TBXAS1: variants seen among roughly 807,000 people sequenced by gnomAD.
TBXAS1 encodes thromboxane-A synthase.
TBXAS1 carries 48 observed loss-of-function variants against 60.7 expected under a neutral mutation model. That is an observed-to-expected ratio of 0.79 (90% CI 0.63 to 1.01). The LOEUF (loss-of-function observed/expected upper bound fraction) is 1.01. TBXAS1 is among the 50% of genes least tolerant of loss of function. The pLI is 0.00. For missense variants in TBXAS1, 685 were observed against 686.3 expected (o/e 1.00, Z 0.02); for synonymous variants, 287 against 269.7 (o/e 1.06, Z -0.63).
chr7:139,945,672 T>C (rs1808645250), intron 5 of TBXAS1, among the ~76,000 whole-genome samples: 1 of 152,252 alleles, frequency 6.6e-6, no homozygotes, highest in Non-Finnish European at 1.5e-5. Flanking sequence ...GTATTAGTTA[T>C]CTATTGCTGT....
chr7:139,965,908 A>G (rs1171124030), intron 9 of TBXAS1, among the ~76,000 whole-genome samples: 4 of 144,418 alleles, frequency 2.8e-5, no homozygotes, highest in Non-Finnish European at 6.0e-5. Context: ...TTTTTACTAT[A>G]ATCAGAGCTC....
intron 4 of TBXAS1, 116 bp from the exon 5 acceptor site, chr7:139,936,075 C>T (rs2117194201): frequency 1.1e-6 from 1 of 908,610 alleles, no homozygotes; most frequent in Non-Finnish European, 1.8e-6. Flanking sequence ...AGAGAAACCT[C>T]CTAACTTGTT....
At chr7:139,894,729 G>A (rs1803945681) in intron 3 of TBXAS1, among the ~76,000 whole-genome samples, 1 of 152,116 alleles carries the variant, frequency 6.6e-6, no homozygotes. Context: ...CTATGTCCAT[G>A]TCTTCCAATG....
At chr7:139,839,676 CAAAAAAA>C (rs1297739214) in intron 1 of TBXAS1, among the ~76,000 whole-genome samples, 1 of 89,312 alleles carries the variant, frequency 1.1e-5, no homozygotes, top group Non-Finnish European at 2.4e-5. Context: ...CTGCTTCTAC[CAAAAAAA>C]AAAAAAAAAA....
intron 1 of TBXAS1, among the ~76,000 whole-genome samples, chr7:139,834,670 C>A (rs1400709547): frequency 6.6e-6 from 1 of 152,120 alleles, no homozygotes; most frequent in Non-Finnish European, 1.5e-5. Flanking sequence ...TACAAAAGAT[C>A]ATTCAAGGCT....
intron 8 of TBXAS1, among the ~76,000 whole-genome samples, chr7:139,960,321 C>T (rs1041489597): frequency 5.9e-5 from 9 of 152,306 alleles, no homozygotes; most frequent in East Asian, 1.9e-4. Flanking sequence ...TCCAAATGCA[C>T]GCACTGCATT....
intron 4 of TBXAS1, among the ~76,000 whole-genome samples, chr7:139,798,268 C>T (rs921796024): frequency 6.6e-6 from 1 of 151,780 alleles, no homozygotes; most frequent in Non-Finnish European, 1.5e-5. Flanking sequence ...GAAGAAAACA[C>T]GAAAGGGTAG....
At chr7:139,873,725 T>C (rs539720287) in intron 2 of TBXAS1, among the ~76,000 whole-genome samples, 1 of 152,254 alleles carries the variant, frequency 6.6e-6, no homozygotes, top group South Asian at 2.1e-4. Flanking sequence ...TTTGTAGATA[T>C]AGGTCAGGAC....
chr7:139,914,354 A>G (rs953108186), intron 4 of TBXAS1, among the ~76,000 whole-genome samples: 2 of 152,058 alleles, frequency 1.3e-5, no homozygotes, highest in African/African-American at 4.8e-5. Context: ...TTAACTTAAA[A>G]AAGAGCTGGG....
At chr7:139,834,966 T>C (rs971521770) in intron 1 of TBXAS1, among the ~76,000 whole-genome samples, 1 of 152,082 alleles carries the variant, frequency 6.6e-6, no homozygotes, top group Non-Finnish European at 1.5e-5. Context: ...TAACTCATTC[T>C]ATGAAGCCAG....
intron 4 of TBXAS1, chr7:139,797,328 C>G (rs945351120): frequency 6.6e-6 from 1 of 152,164 alleles, no homozygotes; most frequent in Non-Finnish European, 1.5e-5. Context: ...GGAAAGAACA[C>G]AGTTGGGTGG....
rs1444442911 is a variant in TBXAS1, at chr7:139,837,965, C to T, written c.89+8486C>T. On this transcript the variant is annotated intron_variant, in intron 1 of 12. Coordinates refer to ENST00000448866, the MANE Select transcript of TBXAS1 (RefSeq NM_001061.7). ...GAATCTTCTGCCAATGGCAGGGATG[C>T]TCTGCTAGCATGTGGTTGAAGGTGG... Among the ~76,000 whole-genome samples, 4 of 152,186 alleles carry T rather than the reference C, an allele frequency of 2.6e-5. No individual in the cohort carries two copies. In the East Asian group the frequency reaches 7.7e-4, roughly 29 times the overall value.
intron 3 of TBXAS1, among the ~76,000 whole-genome samples, chr7:139,901,733 T>G (rs1804590055): frequency 6.6e-6 from 1 of 151,956 alleles, no homozygotes; most frequent in South Asian, 2.1e-4. Flanking sequence ...TGCTCCGCAG[T>G]TGGTTTTGAC....
intron 3 of TBXAS1, among the ~76,000 whole-genome samples, chr7:139,899,438 G>T (rs1247495938): frequency 6.6e-6 from 1 of 152,150 alleles, no homozygotes; most frequent in Non-Finnish European, 1.5e-5. Flanking sequence ...AGGCGGCTGT[G>T]AACTATTTTG....
At chr7:139,805,679 TTTC>T (rs1441585628) in intron 4 of TBXAS1, among the ~76,000 whole-genome samples, 1 of 29,054 alleles carries the variant, frequency 3.4e-5, no homozygotes, top group Non-Finnish European at 6.3e-5. Context: ...TCTTTCTTTC[TTTC>T]TTTCTTTCTT....
rs566640254 is a variant in TBXAS1, at chr7:139,956,953, T to C, written c.689-681T>C. Among the ~76,000 whole-genome samples the C allele has an allele frequency of 2.0e-5, 3 of 152,340 alleles. No individual in the cohort carries two copies. The East Asian group carries it at 5.8e-4, about 29-fold the overall frequency. ...GATGTTCTCCCCAGCCCAGCTCCCA[T>C]AGAGCCCGGTACAGGGTGAACCCAC... On this transcript the variant is annotated intron_variant, in intron 7 of 12. Transcript: ENST00000448866.
chr7:139,872,650 G>A (rs1182441969), intron 2 of TBXAS1, among the ~76,000 whole-genome samples: 1 of 152,098 alleles, frequency 6.6e-6, no homozygotes, highest in East Asian at 1.9e-4. Flanking sequence ...GCAAAAATCT[G>A]TCTCAAAAAA....
At chr7:139,787,778 CT>C (rs1254351016) in intron 4 of TBXAS1, among the ~76,000 whole-genome samples, 1 of 152,118 alleles carries the variant, frequency 6.6e-6, no homozygotes, top group East Asian at 1.9e-4. Flanking sequence ...TGTTCTTAAC[CT>C]TTTTTCTTTT....
In TBXAS1 at chr7:139,849,238, G is replaced by T. The variant is rs1223438718; in HGVS notation, c.89+19759G>T. Among the ~76,000 whole-genome samples the T allele has an allele frequency of 2.6e-5, 4 of 152,030 alleles. No individual in the cohort carries two copies. In the South Asian group the frequency reaches 8.3e-4, roughly 32 times the overall value. ...TACAGAAAATACAACAATTAGCCAG[G>T]TGCGGTGACATGCATCTGTGGTCCC... On this transcript the variant is annotated intron_variant, in intron 1 of 12. Coordinates refer to ENST00000448866, the MANE Select transcript of TBXAS1 (RefSeq NM_001061.7).
Sources: gnomAD v4.1 joint callset for allele counts (sites outside exome capture counted in the v4.1 genomes callset) on GRCh38, gnomAD v4.1.1 for gene constraint, MANE v1.5 for transcripts, NCBI Gene and HGNC (gene_info 2026-07-23, HGNC 2026-07-21) for gene names.